The following SETD6 variants were observed in gnomAD, a reference collection of about 807,000 sequenced individuals.
SETD6 encodes the protein N-lysine methyltransferase SETD6.
In SETD6, 67 loss-of-function variants were observed where a neutral mutation model predicts 52.7. The observed-to-expected ratio is 1.27, with a 90% confidence interval of 1.04 to 1.56. The LOEUF (loss-of-function observed/expected upper bound fraction) is 1.56, where lower values mean the gene tolerates loss of function less well. SETD6 is among the 40% of genes most tolerant of loss of function. The pLI is 0.00. For missense variants in SETD6, 712 were observed against 607.5 expected (o/e 1.17, Z -1.81); for synonymous variants, 307 against 250.2 (o/e 1.23, Z -2.14).
Position 58,521,016 on chromosome 16 carries a change from T to C in SETD6, c.*1987T>C. ...GGCCTGCTTCTGTCCCATGCAGCAC[T>C]GTGCGACCGACTGGAATAACCTGAA... On this transcript the variant is annotated 3_prime_UTR_variant, in exon 8 of 8. Transcript: ENST00000219315. The C allele has an allele frequency of 6.2e-7, 1 of 1,614,102 alleles. No homozygotes were observed. The highest frequency in any genetic ancestry group is 8.5e-7 in the Non-Finnish European group (1 of 1,180,032).
In SETD6 at chr16:58,516,312, G is replaced by A; in HGVS notation, c.445G>A (p.Glu149Lys). 6.2e-7 allele frequency: 1 copy of A among 1,607,240 alleles called. No homozygotes were observed. Among genetic ancestry groups the A allele is most frequent in the South Asian group, 1.1e-5 (1 of 91,072 alleles). The stretch of plus-strand genomic sequence containing the variant: ...GAGGCCCTACTTTGCGCTCTGGCCC[G>A]AGCTGGGCCGCTTGGAGCACCCGAT... ...RWRPYFALWP[E>K]LGRLEHPMFW... Residue 149 changes from glutamate to lysine, a missense_variant, in exon 3 of 8, where the codon GAG becomes AAG. Transcript: ENST00000219315.
chr16:58,515,487 C>A, upstream of SETD6: 1 of 1,557,136 alleles, frequency 6.4e-7, no homozygotes, highest in Non-Finnish European at 8.6e-7. Flanking sequence ...CCAGAGACGC[C>A]GGAAGTGACC....
chr16:58,516,213 C>A lies in SETD6; in HGVS notation c.346C>A (p.Leu116Met). The change falls in exon 3 of 8, where the codon CTG becomes ATG. Residue 116 changes from leucine to methionine, a missense_variant. By Grantham distance (15) the Leu-to-Met change is conservative. Transcript: ENST00000219315. ...GGLLERERVA[L>M]QSQSGWVPLL... ...TGTGTCTTCCTCAGAGCGAGTTGCGCTGCAGAGCCAGTCGGGCTGGGTGCC... is the reference window on the plus strand; with the variant it reads ...TGTGTCTTCCTCAGAGCGAGTTGCGATGCAGAGCCAGTCGGGCTGGGTGCC... 6.3e-7 allele frequency: 1 copy of A among 1,593,006 alleles called. No homozygotes were observed. The highest frequency in any genetic ancestry group is 8.5e-7 in the Non-Finnish European group (1 of 1,178,188).
rs1419710809 is a variant in SETD6 at position 58,522,602 on chromosome 16, T to TA, written c.*3574dup. Among the ~76,000 whole-genome samples, 3 of 152,208 alleles carry TA rather than the reference T, an allele frequency of 2.0e-5. No homozygotes were observed. The highest frequency in any genetic ancestry group is 2.9e-5 in the Non-Finnish European group (2 of 68,028). ...AATCTCTCTAATGCTATATGTAGTCTAGGCAATCTGGCAACAGATTCCTAA... is the reference window on the plus strand; with the variant it reads ...AATCTCTCTAATGCTATATGTAGTCTAAGGCAATCTGGCAACAGATTCCTAA... On this transcript the variant is annotated 3_prime_UTR_variant, in exon 8 of 8. Coordinates refer to ENST00000219315, the MANE Select transcript of SETD6 (RefSeq NM_001160305.4).
chr16:58,516,254 G>A lies in SETD6; in HGVS notation c.387G>A (p.Leu129=), dbSNP rs913615943. 1 of 1,600,026 alleles carries A rather than the reference G, an allele frequency of 6.2e-7. No homozygotes were observed. ...QSGWVPLLLA[L]LHELQAPASR... The stretch of plus-strand genomic sequence containing the variant: ...GCTGGGTGCCACTGCTGCTGGCGCT[G>A]CTCCACGAGCTGCAGGCCCCGGCCT... The change falls in exon 3 of 8, where the codon CTG becomes CTA. Residue 129 remains leucine (L), a synonymous_variant. Transcript: ENST00000219315.
chr16:58,516,688 C>A lies in SETD6; in HGVS notation c.671+16C>A. 1.2e-6 allele frequency: 2 copies of A among 1,611,046 alleles called. No individual in the cohort carries two copies. Among genetic ancestry groups the A allele is most frequent in the Non-Finnish European group, 1.7e-6 (2 of 1,178,290 alleles). Reference sequence around the variant, plus strand: ...TGGCCTATAGGTCAGTGGGTGGGGCCTCTGAGGACGGAACCCTTTTCTTTA... The same window carrying A: ...TGGCCTATAGGTCAGTGGGTGGGGCATCTGAGGACGGAACCCTTTTCTTTA... On this transcript the variant is annotated intron_variant, in intron 4 of 7. Coordinates refer to ENST00000219315, the MANE Select transcript of SETD6 (RefSeq NM_001160305.4).
chr16:58,519,022 C>T lies in SETD6; in HGVS notation c.1415C>T (p.Thr472Ile). ...KMILHQLLEL[T>I]S ...ATCTTACATCAGTTGTTGGAGCTGA[C>T]AAGTTAGCAGTTTCCCTGTTCCCTG... Residue 472 changes from threonine (T) to isoleucine (I), a missense_variant, in exon 8 of 8, where the codon ACA (threonine) becomes ATA (isoleucine). Coordinates refer to ENST00000219315, the MANE Select transcript of SETD6 (RefSeq NM_001160305.4). The T allele has an allele frequency of 6.2e-7, 1 of 1,608,148 alleles. No homozygotes were observed. The highest frequency in any genetic ancestry group is 1.7e-5 in the Admixed American group (1 of 59,622).
In SETD6 at chr16:58,520,943, G is replaced by A; in HGVS notation, c.*1914G>A. On this transcript the variant is annotated 3_prime_UTR_variant, in exon 8 of 8. Transcript: ENST00000219315. ...GACCTCTAGACTGACACGTACAACA[G>A]AGATGCAGTTTCGTCTAACTGGCAC... 1 of 1,611,684 alleles carries A rather than the reference G, an allele frequency of 6.2e-7. No individual in the cohort carries two copies. Among genetic ancestry groups the A allele is most frequent in the Non-Finnish European group, 8.5e-7 (1 of 1,179,608 alleles).
At position 58,515,819 on chromosome 16, in the gene SETD6, T is replaced by G. The variant is rs771006667; in HGVS notation, c.56T>G (p.Leu19Arg). 1 of 1,534,432 alleles carries G rather than the reference T, an allele frequency of 6.5e-7. No homozygotes were observed. Among genetic ancestry groups the G allele is most frequent in the Non-Finnish European group, 8.7e-7 (1 of 1,149,852 alleles). ...GCGGGGCCCGTGGACGGCGGCGACC[T>G]GGATCCTGTGGCCTGCTTCCTGAGC... Reference protein sequence around the residue: ...RVAGPVDGGDLDPVACFLSWC... With the variant: ...RVAGPVDGGDRDPVACFLSWC... The change falls in exon 2 of 8, where the codon CTG becomes CGG. Residue 19 changes from leucine (L) to arginine (R), a missense_variant. By Grantham distance (102) the Leu-to-Arg change is moderately radical. Transcript: ENST00000219315.
rs922722943 is a variant in SETD6, at chr16:58,521,109, G to C, written c.*2080G>C. 6.2e-7 allele frequency: 1 copy of C among 1,613,092 alleles called. No homozygotes were observed. The highest frequency in any genetic ancestry group is 8.5e-7 in the Non-Finnish European group (1 of 1,179,300). ...ACAATACCTTGCATCTCATTCAGCT[G>C]ACCCAACCTAGAGACAGATGGTTTT... On this transcript the variant is annotated 3_prime_UTR_variant, in exon 8 of 8. Coordinates refer to ENST00000219315, the MANE Select transcript of SETD6 (RefSeq NM_001160305.4).
Position 58,520,682 on chromosome 16 carries a change from T to A in SETD6, c.*1653T>A, listed in dbSNP as rs1238771362. On this transcript the variant is annotated 3_prime_UTR_variant, in exon 8 of 8. Transcript: ENST00000219315. ...ACACAGCTTGCACAAAGCCAAGAAG[T>A]TCCAGACAAAGGTTTTCTCTTTCAT... 1 of 446,594 alleles carries A rather than the reference T, an allele frequency of 2.2e-6. No homozygotes were observed. The highest frequency in any genetic ancestry group is 4.1e-5 in the East Asian group (1 of 24,576). The allele number at this position is 446,594 out of a possible 1,614,324, so 27.7% of individuals were successfully genotyped here. A position where few individuals can be genotyped will look rare whatever the true frequency, so the allele number is the denominator to read the frequency against.
At chr16:58,518,691 C>T (rs1410421740) in intron 7 of SETD6, 33 bp from the exon 8 acceptor site, 1 of 1,603,748 alleles carries the variant, frequency 6.2e-7, no homozygotes, top group Non-Finnish European at 8.5e-7. Flanking sequence ...AAAAGCAGTA[C>T]ATCTAATTAA....
Position 58,516,461 on chromosome 16 carries a change from TG to T in SETD6, c.477-16del. 3 of 1,613,580 alleles carry T rather than the reference TG, an allele frequency of 1.9e-6. No homozygotes were observed. The highest frequency in any genetic ancestry group is 2.5e-6 in the Non-Finnish European group (3 of 1,179,794). On this transcript the variant is annotated splice_polypyrimidine_tract_variant and intron_variant, in intron 3 of 7. Transcript: ENST00000219315. ...TGTGAAGGAATGAAGGGAACCTGGG[TG>T]TGGGTGTCCCTGCAGGCCAGAGGAG... is the stretch of plus-strand genomic sequence containing the variant.
In SETD6 at chr16:58,520,579, T is replaced by A. The variant is rs995086603; in HGVS notation, c.*1550T>A. The A allele has an allele frequency of 4.8e-6, 1 of 206,774 alleles. No individual in the cohort carries two copies. The highest frequency in any genetic ancestry group is 2.3e-5 in the African/African-American group (1 of 43,888). 12.8% of individuals were successfully genotyped at this position (206,774 alleles called of 1,614,324 possible). ...GGGACACCAGGAATGTCAGAAGACA[T>A]GGAGCTATGCCCTCAGACAAGTGCA... On this transcript the variant is annotated 3_prime_UTR_variant, in exon 8 of 8. Coordinates refer to ENST00000219315, the MANE Select transcript of SETD6 (RefSeq NM_001160305.4).
At position 58,518,501 on chromosome 16, in the gene SETD6, GGAGGAGGTGCTGACTGAA is replaced by G. The variant is rs759344297; in HGVS notation, c.1081_1098del (p.Val361_Glu366del). 8 of 1,592,972 alleles carry G rather than the reference GGAGGAGGTGCTGACTGAA, an allele frequency of 5.0e-6. No homozygotes were observed. In the East Asian group the frequency reaches 1.6e-4, roughly 31 times the overall value. ...AAGAGGGAGCCTTTGTGATAGGGAG[GGAGGAGGTGCTGACTGAA>G]GAGGAGCTGACCACCACACTAAAGG... On this transcript the variant is annotated inframe_deletion, in exon 7 of 8. Coordinates refer to ENST00000219315, the MANE Select transcript of SETD6 (RefSeq NM_001160305.4).
At position 58,520,706 on chromosome 16, in the gene SETD6, A is replaced by G; in HGVS notation, c.*1677A>G. ...GTTCCAGACAAAGGTTTTCTCTTTCATGTATTTACACAAGTTCAAAATGAT... is the reference window on the plus strand; with the variant it reads ...GTTCCAGACAAAGGTTTTCTCTTTCGTGTATTTACACAAGTTCAAAATGAT... On this transcript the variant is annotated 3_prime_UTR_variant, in exon 8 of 8. Transcript: ENST00000219315. 4.0e-6 allele frequency: 2 copies of G among 505,146 alleles called. No individual in the cohort carries two copies. The highest frequency in any genetic ancestry group is 7.2e-6 in the Non-Finnish European group (2 of 279,240). 31.3% of individuals were successfully genotyped at this position (505,146 alleles called of 1,614,324 possible).
rs1166176757 is a variant in SETD6, at chr16:58,523,410, C to T, written c.*4381C>T. On this transcript the variant is annotated 3_prime_UTR_variant, in exon 8 of 8. Transcript: ENST00000219315. Reference sequence around the variant, plus strand: ...TGGATGGCTTCCGTATTGGCCTCTGCAAAAAGGTACAGCATGGTGCAACTG... The same window carrying T: ...TGGATGGCTTCCGTATTGGCCTCTGTAAAAAGGTACAGCATGGTGCAACTG... The T allele has an allele frequency of 6.2e-7, 1 of 1,613,778 alleles. No individual in the cohort carries two copies. The highest frequency in any genetic ancestry group is 1.7e-5 in the Admixed American group (1 of 59,994).
At position 58,516,683 on chromosome 16, in the gene SETD6, G is replaced by A; in HGVS notation, c.671+11G>A. ...TGTGATGGCCTATAGGTCAGTGGGTGGGGCCTCTGAGGACGGAACCCTTTT... is the reference window on the plus strand; with the variant it reads ...TGTGATGGCCTATAGGTCAGTGGGTAGGGCCTCTGAGGACGGAACCCTTTT... On this transcript the variant is annotated intron_variant, in intron 4 of 7. Coordinates refer to ENST00000219315, the MANE Select transcript of SETD6 (RefSeq NM_001160305.4). The A allele has an allele frequency of 1.2e-6, 2 of 1,611,854 alleles. No individual in the cohort carries two copies. Among genetic ancestry groups the A allele is most frequent in the African/African-American group, 2.7e-5 (2 of 74,940 alleles).
At position 58,522,045 on chromosome 16, in the gene SETD6, C is replaced by G. The variant is rs887398798; in HGVS notation, c.*3016C>G. ...AAGTATTCTAACACTGCAGGCTGGG[C>G]ACAGTGACTCACGCCTGTAATCCCA... is the stretch of plus-strand genomic sequence containing the variant. On this transcript the variant is annotated 3_prime_UTR_variant, in exon 8 of 8. Transcript: ENST00000219315. Among the ~76,000 whole-genome samples, 2 of 151,560 alleles carry G rather than the reference C, an allele frequency of 1.3e-5. No individual in the cohort carries two copies. The highest frequency in any genetic ancestry group is 2.9e-5 in the Non-Finnish European group (2 of 67,946).
Sources: gnomAD v4.1 joint callset for allele counts (sites outside exome capture counted in the v4.1 genomes callset) on GRCh38, gnomAD v4.1.1 for gene constraint, MANE v1.5 for transcripts, NCBI Gene and HGNC (gene_info 2026-07-23, HGNC 2026-07-21) for gene names.